ANO4: variants seen among roughly 807,000 people sequenced by gnomAD.
The protein encoded by ANO4 is anoctamin-4.
ANO4 carries 69 observed loss-of-function variants against 141.9 expected under a neutral mutation model. That is an observed-to-expected ratio of 0.49 (90% confidence interval 0.40 to 0.59). The LOEUF (loss-of-function observed/expected upper bound fraction) is 0.59, where lower values mean the gene tolerates loss of function less well. Among genes scored for constraint, ANO4 ranks in the 20% least tolerant of loss-of-function variants. The pLI is 0.00. For missense variants in ANO4, 894 were observed against 1,162.2 expected, an observed-to-expected ratio of 0.77 and a Z score of 3.36; for synonymous variants, 350 against 394.3, an observed-to-expected ratio of 0.89 and a Z score of 1.33.
At chr12:100,955,406 G>C (rs2043139641) in intron 5 of ANO4, among the ~76,000 whole-genome samples, 2 of 152,170 alleles carry the variant, frequency 1.3e-5, no homozygotes, top group African/African-American at 4.8e-5. Context: ...CTCTTCACAG[G>C]CTGCCTAGGC....
chr12:100,854,661 C>T (rs775609911), intron 1 of ANO4, among the ~76,000 whole-genome samples: 33 of 152,120 alleles, frequency 2.2e-4, no homozygotes, highest in Admixed American at 1.3e-4. Flanking sequence ...ACCTTTTATT[C>T]CCACAGAGTT....
At chr12:100,754,701 G>T (rs556527123) in intron 3 of ANO4, among the ~76,000 whole-genome samples, 1 of 152,112 alleles carries the variant, frequency 6.6e-6, no homozygotes, top group East Asian at 1.9e-4. Context: ...ACAAAATGTG[G>T]TATAATATAT....
At chr12:100,924,162 T>G (rs576323998) in intron 3 of ANO4, among the ~76,000 whole-genome samples, 103 of 152,298 alleles carry the variant, frequency 6.8e-4, no homozygotes, top group African/African-American at 2.4e-3. Context: ...ATTTGTCAAT[T>G]TTGGCGTTTG....
At chr12:100,922,379 T>C in intron 3 of ANO4, 49 bp downstream of exon 3, 3 of 1,346,470 alleles carry the variant, frequency 2.2e-6, no homozygotes, top group South Asian at 1.4e-5. Context: ...GAAGCTATTA[T>C]AATACTTGGG....
At position 100,756,734 on chromosome 12, in the gene ANO4, G is replaced by A. The variant is rs371953853; in HGVS notation, c.358+16629G>A. Among the ~76,000 whole-genome samples the A allele has an allele frequency of 1.1e-4, 16 of 152,242 alleles. No homozygotes were observed. The South Asian group carries it at 1.5e-3, about 14-fold the overall frequency. On this transcript the variant is annotated intron_variant, in intron 3 of 29. Coordinates refer to the ANO4 transcript ENST00000644049. ...ATCTCCTCCTTGAAGCTCTTCAGAC[G>A]TGGGTTCTGTCCCACTTCTCTGTTC...
intron 2 of ANO4, among the ~76,000 whole-genome samples, chr12:100,734,084 A>T (rs2031506531): frequency 6.6e-6 from 1 of 152,232 alleles, no homozygotes; most frequent in South Asian, 2.1e-4. Context: ...GGAGATAAGA[A>T]GTCATCTCTT....
intron 2 of ANO4, among the ~76,000 whole-genome samples, chr12:100,906,618 T>C (rs942104357): frequency 2.6e-5 from 4 of 152,032 alleles, no homozygotes; most frequent in Non-Finnish European, 5.9e-5. Context: ...GTGAAAATGA[T>C]TGAGTCAAGA....
At chr12:101,120,491 G>C (rs1238644618) in intron 25 of ANO4, 29 bp from the exon 26 acceptor site, 1 of 1,569,340 alleles carries the variant, frequency 6.4e-7, no homozygotes, top group Non-Finnish European at 8.8e-7. Flanking sequence ...ATCATAGTTT[G>C]AATGCAACAT....
chr12:100,819,244 C>T (rs914382706), intron 1 of ANO4, among the ~76,000 whole-genome samples: 1 of 151,538 alleles, frequency 6.6e-6, no homozygotes, highest in Non-Finnish European at 1.5e-5. Flanking sequence ...TCAGCATTCC[C>T]AAATGTAAGT....
intron 8 of ANO4, among the ~76,000 whole-genome samples, chr12:101,012,895 G>C (rs78861737): frequency 2.0e-5 from 3 of 152,292 alleles, no homozygotes; most frequent in African/African-American, 7.2e-5. Context: ...GCATAAGAGA[G>C]AGGGTCAAGG....
At chr12:101,103,744 A>T (rs1198353503) in intron 22 of ANO4, among the ~76,000 whole-genome samples, 1 of 151,904 alleles carries the variant, frequency 6.6e-6, no homozygotes, top group Non-Finnish European at 1.5e-5. Flanking sequence ...TTTTTATGAT[A>T]GCCCTTTAAA....
intron 13 of ANO4, among the ~76,000 whole-genome samples, chr12:101,046,800 A>G (rs1380123878): frequency 1.3e-5 from 2 of 152,180 alleles, no homozygotes; most frequent in Admixed American, 1.3e-4. Flanking sequence ...GATTGGTTCT[A>G]TTTTGAGCCA....
At chr12:100,948,916 G>A (rs2042857911) in intron 5 of ANO4, among the ~76,000 whole-genome samples, 1 of 152,208 alleles carries the variant, frequency 6.6e-6, no homozygotes, top group Non-Finnish European at 1.5e-5. Context: ...TCTCATCTCA[G>A]CAGACTGGCG....
At chr12:100,912,978 G>A (rs2041181449) in intron 2 of ANO4, among the ~76,000 whole-genome samples, 1 of 152,244 alleles carries the variant, frequency 6.6e-6, no homozygotes. Flanking sequence ...TGTGATGTGA[G>A]TTTAGTCAAT....
intron 2 of ANO4, among the ~76,000 whole-genome samples, chr12:100,919,698 G>A (rs1231837357): frequency 4.3e-4 from 58 of 134,100 alleles, no homozygotes; most frequent in African/African-American, 1.3e-3. Context: ...GTGTGTGTGT[G>A]TGTGTGTATG....
chr12:100,916,091 A>G (rs550683456), intron 2 of ANO4, among the ~76,000 whole-genome samples: 2 of 152,268 alleles, frequency 1.3e-5, no homozygotes, highest in East Asian at 1.9e-4. Context: ...AAAACCATAT[A>G]TAGTATATAA....
intron 1 of ANO4, among the ~76,000 whole-genome samples, chr12:100,797,328 G>A (rs531473806): frequency 1.5e-3 from 221 of 148,130 alleles, no homozygotes; most frequent in Admixed American, 2.7e-3. Flanking sequence ...CCCACTTCCA[G>A]ATAATGCCTT....
intron 25 of ANO4, among the ~76,000 whole-genome samples, chr12:101,117,524 G>C (rs142376343): frequency 6.6e-6 from 1 of 152,286 alleles, no homozygotes; most frequent in East Asian, 1.9e-4. Context: ...TTCTTGAAGA[G>C]TCCAGATGGC....
At chr12:100,888,714 G>A (rs933915527) in intron 1 of ANO4, among the ~76,000 whole-genome samples, 9 of 152,194 alleles carry the variant, frequency 5.9e-5, no homozygotes, top group Non-Finnish European at 1.3e-4. Context: ...GAAGTAGGTG[G>A]AGGCCCACAA....
Sources: gnomAD v4.1 joint callset for allele counts (sites outside exome capture counted in the v4.1 genomes callset) on GRCh38, gnomAD v4.1.1 for gene constraint, MANE v1.5 for transcripts, NCBI Gene and HGNC (gene_info 2026-07-23, HGNC 2026-07-21) for gene names.